COMMD7: variants seen among roughly 807,000 people sequenced by gnomAD.
COMMD7 encodes the protein COMM domain containing 7, also known as COMM domain-containing protein 7.
Under a neutral mutation model 34.8 loss-of-function variants are expected in COMMD7, and 28 were observed. The observed-to-expected ratio is 0.80, with a 90% CI of 0.60 to 1.10. The LOEUF is 1.10. Among genes scored for constraint, COMMD7 ranks in the 50% least tolerant of loss-of-function variants. COMMD7 has a pLI of 0.00. For missense variants in COMMD7, 211 were observed against 241.6 expected (o/e 0.87, Z 0.84); for synonymous variants, 80 against 86.4 (o/e 0.93, Z 0.41).
intron 1 of COMMD7, among the ~76,000 whole-genome samples, chr20:32,736,087 G>A (rs1488766035): frequency 6.6e-6 from 1 of 152,098 alleles, no homozygotes; most frequent in Non-Finnish European, 1.5e-5. Flanking sequence ...AACTTCCCCA[G>A]GACAAAAGGC....
chr20:32,704,371 C>A, intron 7 of COMMD7, 69 bp downstream of exon 7: 19 of 1,334,734 alleles, frequency 1.4e-5, no homozygotes, highest in Non-Finnish European at 1.8e-5. Flanking sequence ...ATCCATTTAA[C>A]CCAATGTAGA....
chr20:32,738,768 G>A (rs537367481), intron 1 of COMMD7, among the ~76,000 whole-genome samples: 7 of 151,854 alleles, frequency 4.6e-5, no homozygotes, highest in Non-Finnish European at 8.8e-5. Flanking sequence ...GGTCTGGTCT[G>A]TTCTCTGGGC....
chr20:32,707,397 G>A (rs1984164666), intron 3 of COMMD7, among the ~76,000 whole-genome samples: 2 of 151,206 alleles, frequency 1.3e-5, no homozygotes, highest in African/African-American at 4.9e-5. Context: ...TCGGCTCACT[G>A]CAACCTACAC....
chr20:32,731,113 C>T (rs1291149362), intron 1 of COMMD7, among the ~76,000 whole-genome samples: 3 of 152,050 alleles, frequency 2.0e-5, no homozygotes, highest in Non-Finnish European at 4.4e-5. Flanking sequence ...GAGAGGATTG[C>T]TTGAGGCCAG....
At chr20:32,713,528 A>C (rs531478581) in intron 3 of COMMD7, among the ~76,000 whole-genome samples, 1 of 152,362 alleles carries the variant, frequency 6.6e-6, no homozygotes, top group East Asian at 1.9e-4. Context: ...GAATGGACAC[A>C]GGCTTGGTGA....
chr20:32,741,812 T>G (rs1326794418), intron 1 of COMMD7, among the ~76,000 whole-genome samples: 1 of 152,188 alleles, frequency 6.6e-6, no homozygotes, highest in East Asian at 1.9e-4. Flanking sequence ...CTGTATAGGT[T>G]TGTAGCCTAG....
intron 3 of COMMD7, among the ~76,000 whole-genome samples, chr20:32,722,289 AGGAAGACAG>A (rs1332654846): frequency 1.3e-4 from 17 of 135,838 alleles, no homozygotes; most frequent in South Asian, 7.3e-4. Context: ...TGGTGGGGTG[AGGAAGACAG>A]GGAAGACTGG....
At chr20:32,705,548 T>A (rs1984030406) in intron 5 of COMMD7, among the ~76,000 whole-genome samples, 1 of 151,856 alleles carries the variant, frequency 6.6e-6, no homozygotes, top group Non-Finnish European at 1.5e-5. Context: ...TAATTTTTTA[T>A]ATTTTTAGTA....
chr20:32,739,928 A>G (rs1986340497), intron 1 of COMMD7, among the ~76,000 whole-genome samples: 1 of 142,674 alleles, frequency 7.0e-6, no homozygotes, highest in Non-Finnish European at 1.5e-5. Flanking sequence ...TGGCTGCAGC[A>G]TGAGACTCAC....
Position 32,743,449 on chromosome 20 carries a change from C to T in COMMD7, c.-58G>A. 1.7e-6 allele frequency: 2 copies of T among 1,207,164 alleles called. No individual in the cohort carries two copies. Among genetic ancestry groups the T allele is most frequent in the South Asian group, 2.5e-5 (1 of 40,046 alleles). 74.8% of individuals were successfully genotyped at this position (1,207,164 alleles called of 1,614,324 possible). ...CGCCGCCGCCCTGCTCAGCTTCCTC[C>T]TCCGCTGCCGCTGCCACCGCTGCCG... On this transcript the variant is annotated 5_prime_UTR_variant, in exon 1 of 9. Transcript: ENST00000278980.
Position 32,718,076 on chromosome 20 carries a change from G to A in COMMD7, c.241+9817C>T, listed in dbSNP as rs578242431. Among the ~76,000 whole-genome samples, 21 of 145,622 alleles carry A rather than the reference G, an allele frequency of 1.4e-4. No homozygotes were observed. The South Asian group carries it at 2.3e-3, about 16-fold the overall frequency. The stretch of plus-strand genomic sequence containing the variant: ...TGCACTCGAGCCTCGGCGACAGAGC[G>A]AGACTGCCTCTCAAAAAAAAAAAAA... On this transcript the variant is annotated intron_variant, in intron 3 of 8. Coordinates refer to ENST00000278980, the MANE Select transcript of COMMD7 (RefSeq NM_053041.3).
intron 3 of COMMD7, among the ~76,000 whole-genome samples, chr20:32,713,877 A>C (rs1984616037): frequency 6.6e-6 from 1 of 152,184 alleles, no homozygotes; most frequent in Admixed American, 6.5e-5. Context: ...GCACTTTGGG[A>C]GGCCGAGGCA....
Position 32,702,757 on chromosome 20 carries a change from A to G in COMMD7, c.*625T>C, listed in dbSNP as rs1297220845. On this transcript the variant is annotated 3_prime_UTR_variant, in exon 9 of 9. Transcript: ENST00000278980. ...CAACAGAGGTGGTTGGCTCGAACTC[A>G]AACTAAAATGGCCTCAAAAGGCCCA... The G allele has an allele frequency of 1.3e-5, 2 of 152,238 alleles. No individual in the cohort carries two copies. Among genetic ancestry groups the G allele is most frequent in the African/African-American group, 4.8e-5 (2 of 41,432 alleles). 9.4% of individuals were successfully genotyped at this position (152,238 alleles called of 1,614,324 possible).
intron 3 of COMMD7, among the ~76,000 whole-genome samples, chr20:32,720,364 A>AGG: frequency 2.6e-5 from 4 of 151,832 alleles, no homozygotes; most frequent in African/African-American, 9.7e-5. Flanking sequence ...GCATGGTGGC[A>AGG]CATGCCTGTA....
chr20:32,712,709 A>T (rs1299232519), intron 3 of COMMD7, among the ~76,000 whole-genome samples: 1 of 148,132 alleles, frequency 6.8e-6, no homozygotes, highest in African/African-American at 2.5e-5. Context: ...TCAAACACAG[A>T]TAACTTTGAG....
intron 3 of COMMD7, among the ~76,000 whole-genome samples, chr20:32,714,824 A>AAACAACAACAACAAC (rs55911529): frequency 0.14 from 19,592 of 139,584 alleles, 1,550 homozygotes; most frequent in Middle Eastern, 0.21. Flanking sequence ...ACTCCATCTC[A>AAACAACAACAACAAC]AACAACAACA....
At chr20:32,735,386 T>C (rs943856746) in intron 1 of COMMD7, among the ~76,000 whole-genome samples, 2 of 151,278 alleles carry the variant, frequency 1.3e-5, no homozygotes, top group African/African-American at 4.8e-5. Context: ...GGTGCGATCA[T>C]GGCTCACTGC....
intron 3 of COMMD7, among the ~76,000 whole-genome samples, chr20:32,726,265 C>G (rs1239588388): frequency 6.6e-6 from 1 of 151,736 alleles, no homozygotes; most frequent in African/African-American, 2.4e-5. Flanking sequence ...GTGGCGCTTG[C>G]CTGTGCCTGT....
intron 1 of COMMD7, among the ~76,000 whole-genome samples, chr20:32,729,233 A>G (rs2145767566): frequency 7.1e-6 from 1 of 140,312 alleles, no homozygotes; most frequent in South Asian, 2.4e-4. Context: ...CAGTGGTGTG[A>G]TGTTGGCTCA....
Sources: gnomAD v4.1 joint callset for allele counts (sites outside exome capture counted in the v4.1 genomes callset) on GRCh38, gnomAD v4.1.1 for gene constraint, MANE v1.5 for transcripts, NCBI Gene and HGNC (gene_info 2026-07-23, HGNC 2026-07-21) for gene names.